NDFIP2: variants seen among roughly 807,000 people sequenced by gnomAD.
NDFIP2 encodes NEDD4 family-interacting protein 2.
A neutral mutation model predicts 36.0 loss-of-function variants in NDFIP2; 19 were observed. The ratio of observed to expected loss-of-function variants is 0.53; its 90% CI spans 0.37 to 0.77. NDFIP2 has a LOEUF of 0.77. Ranked by LOEUF, NDFIP2 falls within the 30% of genes least tolerant of loss-of-function variation. NDFIP2 has a pLI of 0.00. For synonymous variants in NDFIP2, 181 were observed against 167.7 expected (o/e 1.08, Z -0.61); for missense variants, 446 against 435.8 (o/e 1.02, Z -0.21).
In NDFIP2 at chr13:79,555,372, A is replaced by T. The variant is rs1180740884; in HGVS notation, c.*2859A>T. 15 of 151,344 alleles carry T rather than the reference A, an allele frequency of 9.9e-5. No homozygotes were observed. In the Admixed American group the frequency reaches 9.9e-4, roughly 10 times the overall value. 9.4% of individuals were successfully genotyped at this position (151,344 alleles called of 1,614,324 possible). ...GTTATTCCTGTTTTCTCAGCTTAAT[A>T]GTGCCTCATCGTACTCTCAAAAGTG... is the stretch of plus-strand genomic sequence containing the variant. On this transcript the variant is annotated 3_prime_UTR_variant, in exon 8 of 8. Coordinates refer to ENST00000218652, the MANE Select transcript of NDFIP2 (RefSeq NM_019080.3).
At chr13:79,545,853 C>T (rs1007834798) in intron 5 of NDFIP2, among the ~76,000 whole-genome samples, 1 of 152,178 alleles carries the variant, frequency 6.6e-6, no homozygotes, top group African/African-American at 2.4e-5. Context: ...TCTCCTGCCT[C>T]ATCCTCCAAG....
intron 1 of NDFIP2, among the ~76,000 whole-genome samples, chr13:79,497,396 C>T (rs1239864799): frequency 6.6e-6 from 1 of 151,942 alleles, no homozygotes; most frequent in African/African-American, 2.4e-5. Flanking sequence ...CTGTTCCTCT[C>T]CATTACTGTG....
At chr13:79,493,003 C>T (rs1873302516) in intron 1 of NDFIP2, among the ~76,000 whole-genome samples, 3 of 152,066 alleles carry the variant, frequency 2.0e-5, no homozygotes, top group African/African-American at 7.2e-5. Flanking sequence ...CCATTTCCTG[C>T]TCTTTACTTT....
intron 1 of NDFIP2, among the ~76,000 whole-genome samples, chr13:79,493,185 A>G (rs536054521): frequency 1.5e-4 from 23 of 152,320 alleles, no homozygotes; most frequent in Admixed American, 4.6e-4. Context: ...CAAAATAAAT[A>G]CTTATTAAAG....
chr13:79,498,191 G>A (rs1400457585), intron 1 of NDFIP2, among the ~76,000 whole-genome samples: 5 of 151,802 alleles, frequency 3.3e-5, no homozygotes, highest in African/African-American at 1.2e-4. Context: ...TAAAACCTAG[G>A]TGTGAATCTT....
At chr13:79,492,171 T>C (rs7139938) in intron 1 of NDFIP2, among the ~76,000 whole-genome samples, 6,523 of 152,128 alleles carry the variant, frequency 0.043, 487 homozygotes, top group African/African-American at 0.15. Context: ...AATGTGATGG[T>C]ATTAACCCCT....
At chr13:79,510,400 C>T (rs1874040230) in intron 1 of NDFIP2, among the ~76,000 whole-genome samples, 2 of 150,718 alleles carry the variant, frequency 1.3e-5, no homozygotes, top group African/African-American at 4.9e-5. Flanking sequence ...TTTTTTGACC[C>T]TTTTTACTTT....
chr13:79,549,115 CA>C (rs1433403469), intron 6 of NDFIP2, among the ~76,000 whole-genome samples: 1 of 151,940 alleles, frequency 6.6e-6, no homozygotes, highest in African/African-American at 2.4e-5. Context: ...AACAGCATTT[CA>C]GTAGGTGGCA....
chr13:79,496,648 G>A (rs1028513080), intron 1 of NDFIP2, among the ~76,000 whole-genome samples: 1 of 148,894 alleles, frequency 6.7e-6, no homozygotes, highest in African/African-American at 2.4e-5. Flanking sequence ...TCTCTCTCAT[G>A]TCCTTTGAGC....
At chr13:79,482,402 T>G (rs1229253800) in intron 1 of NDFIP2, among the ~76,000 whole-genome samples, 2 of 152,182 alleles carry the variant, frequency 1.3e-5, no homozygotes, top group Non-Finnish European at 2.9e-5. Flanking sequence ...CGTTGGAGAT[T>G]CCTGTTGTAA....
intron 1 of NDFIP2, among the ~76,000 whole-genome samples, chr13:79,495,072 A>G (rs1388511812): frequency 6.6e-6 from 1 of 151,544 alleles, no homozygotes; most frequent in Admixed American, 6.6e-5. Flanking sequence ...TACTTATTTG[A>G]TACTTTTCTA....
intron 2 of NDFIP2, among the ~76,000 whole-genome samples, chr13:79,531,164 G>C (rs557060061): frequency 6.6e-6 from 1 of 152,294 alleles, no homozygotes; most frequent in East Asian, 1.9e-4. Context: ...TGAGTGACCA[G>C]GTGCATTGTC....
At chr13:79,499,168 G>A (rs1873559712) in intron 1 of NDFIP2, among the ~76,000 whole-genome samples, 1 of 151,840 alleles carries the variant, frequency 6.6e-6, no homozygotes, top group African/African-American at 2.4e-5. Context: ...CGTATAACAG[G>A]TTCAGAAAAA....
At chr13:79,541,050 C>T (rs1875436351) in intron 4 of NDFIP2, among the ~76,000 whole-genome samples, 1 of 152,032 alleles carries the variant, frequency 6.6e-6, no homozygotes, top group Admixed American at 6.6e-5. Context: ...ATTTTAATAA[C>T]AAACTTCTCA....
chr13:79,486,480 A>G (rs1486651809), intron 1 of NDFIP2, among the ~76,000 whole-genome samples: 1 of 152,254 alleles, frequency 6.6e-6, no homozygotes, highest in Admixed American at 6.5e-5. Context: ...TGCAAGCCAC[A>G]TGTTTATCAT....
At chr13:79,550,113 T>TC (rs576802756) in intron 6 of NDFIP2, among the ~76,000 whole-genome samples, 103 of 151,576 alleles carry the variant, frequency 6.8e-4, no homozygotes, top group Middle Eastern at 3.4e-3. Context: ...TGTTTTTGGA[T>TC]CCCCCCCACC....
At chr13:79,508,628 G>T (rs1032221603) in intron 1 of NDFIP2, among the ~76,000 whole-genome samples, 1 of 152,194 alleles carries the variant, frequency 6.6e-6, no homozygotes, top group Non-Finnish European at 1.5e-5. Context: ...CGCCATCTTG[G>T]TTTTGGTGGG....
chr13:79,532,848 T>G (rs1566664703), intron 2 of NDFIP2, among the ~76,000 whole-genome samples: 1 of 152,226 alleles, frequency 6.6e-6, no homozygotes, highest in Non-Finnish European at 1.5e-5. Context: ...AACTTAACTT[T>G]CCTGAACCTC....
chr13:79,520,864 T>G lies in NDFIP2; in HGVS notation c.376T>G (p.Ser126Ala), dbSNP rs760936702. 4 of 1,613,910 alleles carry G rather than the reference T, an allele frequency of 2.5e-6. No individual in the cohort carries two copies. The African/African-American group carries it at 5.3e-5, about 22-fold the overall frequency. Residue 126 changes from serine to alanine, a missense_variant, in exon 2 of 8, where the codon TCA becomes GCA. This residue lies in a region of NDFIP2 where 369 missense variants were observed against 304.8 expected (regional missense o/e 1.21). Coordinates refer to ENST00000218652, the MANE Select transcript of NDFIP2 (RefSeq NM_019080.3). ...ESSAIEQPPT[S>A]NPAPQIVQAA... ...ATCGGCTATAGAGCAGCCACCTACTTCAAACCCAGCACCGCAGATTGTGCA... is the reference window on the plus strand; with the variant it reads ...ATCGGCTATAGAGCAGCCACCTACTGCAAACCCAGCACCGCAGATTGTGCA...
Sources: allele counts gnomAD v4.1 joint callset (sites outside exome capture counted in the v4.1 genomes callset), GRCh38; gene constraint gnomAD v4.1.1; regional missense constraint gnomAD v4.1.1; transcripts MANE v1.5; gene names NCBI Gene and HGNC (gene_info 2026-07-23, HGNC 2026-07-21).